Variants in TMEM132D observed in about 807,000 individuals in gnomAD.
TMEM132D encodes the protein transmembrane protein 132D.
Under a neutral mutation model 62.3 loss-of-function variants are expected in TMEM132D, and 21 were observed. That is an observed-to-expected ratio of 0.34 (90% confidence interval 0.24 to 0.49). The LOEUF (loss-of-function observed/expected upper bound fraction) is 0.49. TMEM132D is among the 20% of genes least tolerant of loss of function. The pLI is 0.99. For missense variants in TMEM132D, 1,346 were observed against 1,402.8 expected, an observed-to-expected ratio of 0.96 and a Z score of 0.65; for synonymous variants, 621 against 575.6, an observed-to-expected ratio of 1.08 and a Z score of -1.13.
At chr12:129,193,121 G>A (rs1440955941) in intron 5 of TMEM132D, among the ~76,000 whole-genome samples, 6 of 143,676 alleles carry the variant, frequency 4.2e-5, no homozygotes, top group African/African-American at 1.6e-4. Context: ...TCGTGCCACT[G>A]CACTCCAGCC....
At chr12:129,727,996 C>T (rs960884474) in intron 1 of TMEM132D, among the ~76,000 whole-genome samples, 1 of 152,096 alleles carries the variant, frequency 6.6e-6, no homozygotes, top group African/African-American at 2.4e-5. Context: ...CGGCTGTATC[C>T]AGCTTTTCTC....
chr12:129,809,307 CAAAA>C (rs34039590), intron 1 of TMEM132D, among the ~76,000 whole-genome samples: 3 of 137,920 alleles, frequency 2.2e-5, no homozygotes, highest in South Asian at 2.3e-4. Context: ...GACTCCATAT[CAAAA>C]AAAAAAAAAA....
At chr12:129,704,684 G>T (rs1881461803) in intron 1 of TMEM132D, among the ~76,000 whole-genome samples, 1 of 152,142 alleles carries the variant, frequency 6.6e-6, no homozygotes, top group Non-Finnish European at 1.5e-5. Context: ...AGGGATGCCG[G>T]GTCATATGGT....
chr12:129,103,448 G>C (rs1033450918), intron 5 of TMEM132D, among the ~76,000 whole-genome samples: 1 of 152,184 alleles, frequency 6.6e-6, no homozygotes, highest in Non-Finnish European at 1.5e-5. Flanking sequence ...CAACAGCTGA[G>C]CAGCAAGCTC....
At chr12:129,880,878 T>C (rs1566018168) in intron 1 of TMEM132D, among the ~76,000 whole-genome samples, 2 of 152,096 alleles carry the variant, frequency 1.3e-5, no homozygotes, top group Non-Finnish European at 2.9e-5. Flanking sequence ...TCCAAACATA[T>C]AAAATTATAT....
At chr12:129,088,024 CATGACCGGGGTGTCCTCT>C (rs1874701262) in intron 5 of TMEM132D, among the ~76,000 whole-genome samples, 11 of 91,186 alleles carry the variant, frequency 1.2e-4, no homozygotes, top group South Asian at 4.5e-4. Context: ...GGGTGTCCTC[CATGACCGGGGTGTCCTCT>C]ATGACCGGGT....
intron 3 of TMEM132D, among the ~76,000 whole-genome samples, chr12:129,517,012 G>T (rs1875702273): frequency 6.6e-6 from 1 of 152,024 alleles, no homozygotes; most frequent in Non-Finnish European, 1.5e-5. Flanking sequence ...TCTCTCCTCT[G>T]TAATTACATG....
intron 2 of TMEM132D, among the ~76,000 whole-genome samples, chr12:129,577,465 C>A (rs369610439): frequency 2.0e-5 from 3 of 149,696 alleles, no homozygotes; most frequent in East Asian, 3.9e-4. Flanking sequence ...AAATATTCAA[C>A]ACTGCATCTT....
At chr12:129,377,725 G>A (rs1870824150) in intron 3 of TMEM132D, among the ~76,000 whole-genome samples, 1 of 152,076 alleles carries the variant, frequency 6.6e-6, no homozygotes, top group Admixed American at 6.5e-5. Flanking sequence ...GCCTTCTTTT[G>A]TCTGTTGAGT....
chr12:129,413,900 C>T lies in TMEM132D; in HGVS notation c.1116-76083G>A, dbSNP rs77371954. Reference sequence around the variant, plus strand: ...TAGAAACATCTTAGCTGGGCATGAACGAACAATACCTCATACTCAGTGTGT... The same window carrying T: ...TAGAAACATCTTAGCTGGGCATGAATGAACAATACCTCATACTCAGTGTGT... On this transcript the variant is annotated intron_variant, in intron 3 of 8. Transcript: ENST00000422113. Among the ~76,000 whole-genome samples, 892 of 152,240 alleles carry T rather than the reference C, an allele frequency of 5.9e-3. 13 individuals are homozygous for T. The highest frequency in any genetic ancestry group is 0.02 in the African/African-American group (837 of 41,542).
intron 5 of TMEM132D, among the ~76,000 whole-genome samples, chr12:129,093,571 G>T (rs542737804): frequency 3.3e-4 from 50 of 152,284 alleles, no homozygotes; most frequent in Admixed American, 3.3e-4. Flanking sequence ...CATGCTCATG[G>T]GTAGGAAGAA....
intron 4 of TMEM132D, among the ~76,000 whole-genome samples, chr12:129,281,028 G>A (rs1432122758): frequency 6.6e-6 from 1 of 151,886 alleles, no homozygotes; most frequent in African/African-American, 2.4e-5. Flanking sequence ...TTTCTCTGGT[G>A]AATATGAAAC....
At chr12:129,186,961 C>T (rs1361357576) in intron 5 of TMEM132D, among the ~76,000 whole-genome samples, 1 of 152,190 alleles carries the variant, frequency 6.6e-6, no homozygotes, top group African/African-American at 2.4e-5. Context: ...AAATTTCTAA[C>T]ATAATGCATA....
chr12:129,797,118 CTCTT>C (rs1354510933), intron 1 of TMEM132D, among the ~76,000 whole-genome samples: 2 of 152,170 alleles, frequency 1.3e-5, no homozygotes, highest in African/African-American at 4.8e-5. Context: ...CTGTTTGTTT[CTCTT>C]TCTTCAAAGG....
At chr12:129,870,957 A>G (rs1874221102) in intron 1 of TMEM132D, among the ~76,000 whole-genome samples, 1 of 152,104 alleles carries the variant, frequency 6.6e-6, no homozygotes, top group African/African-American at 2.4e-5. Context: ...CACCATTGGT[A>G]TCAGAGCTGA....
At chr12:129,901,402 T>C (rs1875347357) in intron 1 of TMEM132D, among the ~76,000 whole-genome samples, 1 of 152,170 alleles carries the variant, frequency 6.6e-6, no homozygotes, top group Admixed American at 6.5e-5. Context: ...TCTTGTTCTT[T>C]GACATATTGT....
At chr12:129,131,919 G>T (rs1876386847) in intron 5 of TMEM132D, among the ~76,000 whole-genome samples, 1 of 152,090 alleles carries the variant, frequency 6.6e-6, no homozygotes, top group African/African-American at 2.4e-5. Context: ...AACTTTTATA[G>T]GAGACCACAG....
intron 5 of TMEM132D, among the ~76,000 whole-genome samples, chr12:129,093,835 G>A (rs867685874): frequency 2.5e-4 from 37 of 148,372 alleles, no homozygotes; most frequent in Middle Eastern, 3.4e-3. Flanking sequence ...CCAAAACAGA[G>A]ATATAGACCA....
intron 4 of TMEM132D, among the ~76,000 whole-genome samples, chr12:129,330,039 C>T (rs1038611483): frequency 6.6e-6 from 1 of 151,912 alleles, no homozygotes; most frequent in Non-Finnish European, 1.5e-5. Context: ...AATTTTCTAC[C>T]GAATCACAGA....
Sources: gnomAD v4.1 joint callset for allele counts (sites outside exome capture counted in the v4.1 genomes callset) on GRCh38, gnomAD v4.1.1 for gene constraint, MANE v1.5 for transcripts, NCBI Gene and HGNC (gene_info 2026-07-23, HGNC 2026-07-21) for gene names.